Variants in KCNAB1 observed in about 807,000 individuals in gnomAD.
KCNAB1 encodes potassium voltage-gated channel subfamily A regulatory beta subunit 1, also known as voltage-gated potassium channel subunit beta-1.
Under a neutral mutation model 64.6 loss-of-function variants are expected in KCNAB1, and 35 were observed. That is an observed-to-expected ratio of 0.54 (90% CI 0.41 to 0.72). The LOEUF is 0.72. Ranked by LOEUF, KCNAB1 falls within the 30% of genes least tolerant of loss-of-function variation. The pLI, the probability that KCNAB1 is intolerant of heterozygous loss-of-function variation, is 0.00. For synonymous variants in KCNAB1, 177 were observed against 183.8 expected (o/e 0.96, Z 0.30); for missense variants, 401 against 512.9 (o/e 0.78, Z 2.11).
At chr3:156,336,439 A>G (rs919227663) in intron 1 of KCNAB1, among the ~76,000 whole-genome samples, 1 of 152,158 alleles carries the variant, frequency 6.6e-6, no homozygotes, top group Non-Finnish European at 1.5e-5. Flanking sequence ...TTCATAATGT[A>G]TGGAGAATAA....
chr3:156,180,686 GA>G (rs1712746022), intron 1 of KCNAB1, among the ~76,000 whole-genome samples: 1 of 152,162 alleles, frequency 6.6e-6, no homozygotes, highest in Non-Finnish European at 1.5e-5. Flanking sequence ...ATGCAATGAT[GA>G]TGATAGAGAT....
intron 1 of KCNAB1, among the ~76,000 whole-genome samples, chr3:156,363,753 G>C (rs1725767785): frequency 6.6e-6 from 1 of 152,184 alleles, no homozygotes; most frequent in Non-Finnish European, 1.5e-5. Flanking sequence ...CGGGATTACA[G>C]GCATGAACCA....
At chr3:156,440,627 ATAGACT>A (rs1409439689) in intron 2 of KCNAB1, among the ~76,000 whole-genome samples, 4 of 152,228 alleles carry the variant, frequency 2.6e-5, no homozygotes, top group Non-Finnish European at 5.9e-5. Flanking sequence ...AAGGGAAGAA[ATAGACT>A]TAGAAATAGA....
Position 156,291,898 on chromosome 3 carries a change from T to G in KCNAB1, c.276-129718T>G, listed in dbSNP as rs1210909998. The G allele has an allele frequency of 1.9e-6, 3 of 1,613,864 alleles. No homozygotes were observed. The African/African-American group carries it at 4.0e-5, about 22-fold the overall frequency. ...GTTCTGAGAGGGACCGTGCGCTGCC[T>G]GGGGAAGCAATGCAAGTCTCCATAG... On this transcript the variant is annotated intron_variant, in intron 1 of 13. Transcript: ENST00000490337.
intron 2 of KCNAB1, among the ~76,000 whole-genome samples, chr3:156,429,611 T>G (rs1271458760): frequency 6.6e-6 from 1 of 152,226 alleles, no homozygotes; most frequent in East Asian, 1.9e-4. Context: ...CTGCACTAAA[T>G]ATTTTGACAC....
At chr3:156,184,574 CT>C (rs1713074433) in intron 1 of KCNAB1, among the ~76,000 whole-genome samples, 1 of 152,016 alleles carries the variant, frequency 6.6e-6, no homozygotes, top group Non-Finnish European at 1.5e-5. Context: ...GAAAGAGTGC[CT>C]GGAACAGCCA....
At chr3:156,236,415 A>G (rs1305227973) in intron 1 of KCNAB1, among the ~76,000 whole-genome samples, 1 of 152,170 alleles carries the variant, frequency 6.6e-6, no homozygotes, top group Non-Finnish European at 1.5e-5. Flanking sequence ...ACACTTATTG[A>G]ATCATGGTCT....
chr3:156,448,401 G>A (rs572414232), intron 2 of KCNAB1, among the ~76,000 whole-genome samples: 1 of 152,334 alleles, frequency 6.6e-6, no homozygotes. Flanking sequence ...TAGTTCTTCT[G>A]GAGTGGAGCA....
chr3:156,296,481 T>C (rs977921626), intron 1 of KCNAB1, among the ~76,000 whole-genome samples: 4 of 143,904 alleles, frequency 2.8e-5, no homozygotes, highest in Non-Finnish European at 3.1e-5. Flanking sequence ...CCCACCTTTT[T>C]TTTTTTTTTT....
At chr3:156,320,849 A>C (rs1247870384) in intron 1 of KCNAB1, among the ~76,000 whole-genome samples, 2 of 151,844 alleles carry the variant, frequency 1.3e-5, no homozygotes, top group Non-Finnish European at 2.9e-5. Flanking sequence ...CTATTTGCTA[A>C]TAATAATGGC....
chr3:156,348,118 C>T (rs941550714), intron 1 of KCNAB1, among the ~76,000 whole-genome samples: 10 of 151,896 alleles, frequency 6.6e-5, no homozygotes, highest in Non-Finnish European at 1.3e-4. Context: ...CCAAACAAAC[C>T]AAGGGGTTTA....
chr3:156,309,031 T>G (rs1721701823), intron 1 of KCNAB1, among the ~76,000 whole-genome samples: 1 of 152,204 alleles, frequency 6.6e-6, no homozygotes, highest in Admixed American at 6.5e-5. Context: ...TTCTGCTTTT[T>G]CTTCTTCTAA....
chr3:156,475,378 T>G (rs1714267995), intron 8 of KCNAB1, among the ~76,000 whole-genome samples: 1 of 152,202 alleles, frequency 6.6e-6, no homozygotes, highest in Non-Finnish European at 1.5e-5. Context: ...AGTTTAAGCT[T>G]CTCCCTGTGG....
chr3:156,524,072 A>G (rs1273910834), intron 12 of KCNAB1, 125 bp downstream of exon 12: 2 of 931,760 alleles, frequency 2.1e-6, no homozygotes, highest in South Asian at 2.2e-5. Context: ...TCTGAAGCAT[A>G]AACTCCTGCT....
At chr3:156,523,745 T>C in intron 11 of KCNAB1, 82 bp from the exon 12 acceptor site, 1 of 1,314,632 alleles carries the variant, frequency 7.6e-7, no homozygotes. Flanking sequence ...CATTATGAGG[T>C]TCACATATTT....
chr3:156,291,218 C>T, intron 1 of KCNAB1: 1 of 986,106 alleles, frequency 1.0e-6, no homozygotes, highest in Non-Finnish European at 1.2e-6. Flanking sequence ...AGCTGCAAAC[C>T]CGTGTCGGTG....
intron 1 of KCNAB1, among the ~76,000 whole-genome samples, chr3:156,154,225 CAGATAG>C (rs1560110468): frequency 1.2e-4 from 1 of 8,526 alleles, no homozygotes; most frequent in Non-Finnish European, 2.5e-4. Context: ...AGAAGTAGTG[CAGATAG>C]TAGTGCAGAT....
intron 8 of KCNAB1, among the ~76,000 whole-genome samples, chr3:156,483,562 T>C (rs907048743): frequency 4.6e-5 from 7 of 152,134 alleles, no homozygotes; most frequent in African/African-American, 1.7e-4. Context: ...ACCATGCTCA[T>C]CATATAAATT....
intron 7 of KCNAB1, among the ~76,000 whole-genome samples, chr3:156,473,914 T>C (rs1015779397): frequency 2.0e-5 from 3 of 152,158 alleles, no homozygotes; most frequent in Non-Finnish European, 4.4e-5. Context: ...CATAATATTA[T>C]ATACAATACA....
Sources: allele counts gnomAD v4.1 joint callset (sites outside exome capture counted in the v4.1 genomes callset), GRCh38; gene constraint gnomAD v4.1.1; transcripts MANE v1.5; gene names NCBI Gene and HGNC (gene_info 2026-07-23, HGNC 2026-07-21).